PALS1: variants seen among roughly 807,000 people sequenced by gnomAD.
PALS1 encodes protein PALS1.
Under a neutral mutation model 78.9 loss-of-function variants are expected in PALS1, and 31 were observed. The ratio of observed to expected loss-of-function variants is 0.39; its 90% CI spans 0.30 to 0.53. The LOEUF (loss-of-function observed/expected upper bound fraction) is 0.53. Ranked by LOEUF, PALS1 falls within the 20% of genes least tolerant of loss-of-function variation. The pLI is 0.67. For missense variants in PALS1, 704 were observed against 826.5 expected (o/e 0.85, Z 1.82); for synonymous variants, 276 against 270.9 (o/e 1.02, Z -0.18).
chr14:67,265,142 C>G (rs1278914207), intron 1 of PALS1, among the ~76,000 whole-genome samples: 1 of 152,098 alleles, frequency 6.6e-6, no homozygotes, highest in Admixed American at 6.6e-5. Context: ...GCAGTTGTTT[C>G]TTTGGAATGT....
chr14:67,317,251 C>A (rs916986286), intron 10 of PALS1, among the ~76,000 whole-genome samples, 157 bp from the exon 11 acceptor site: 1 of 151,954 alleles, frequency 6.6e-6, no homozygotes, highest in Non-Finnish European at 1.5e-5. Flanking sequence ...TCACTTGAGG[C>A]CAGGAGTTCA....
chr14:67,268,480 C>T (rs544387942), intron 1 of PALS1, among the ~76,000 whole-genome samples: 7 of 152,028 alleles, frequency 4.6e-5, no homozygotes, highest in East Asian at 3.8e-4. Flanking sequence ...GGCAGAACAC[C>T]GACATGTTAC....
intron 4 of PALS1, among the ~76,000 whole-genome samples, chr14:67,295,340 A>C (rs2084832259): frequency 6.6e-6 from 1 of 151,836 alleles, no homozygotes. Flanking sequence ...AAATACAAAA[A>C]TTAGCTGGCT....
intron 1 of PALS1, among the ~76,000 whole-genome samples, chr14:67,262,749 T>A (rs1000264101): frequency 1.8e-4 from 28 of 152,198 alleles, no homozygotes; most frequent in African/African-American, 5.8e-4. Flanking sequence ...AGTGTAGCAT[T>A]CAGAGTCAAC....
Position 67,332,783 on chromosome 14 carries a change from G to C in PALS1, c.1855G>C (p.Glu619Gln), listed in dbSNP as rs1566589162. Reference sequence around the variant, plus strand: ...AGTTTTTATCTTCTGTTTGCAGCCTGAAGAGTTGAGAGAAATCATTGAGAA... The same window carrying C: ...AGTTTTTATCTTCTGTTTGCAGCCTCAAGAGTTGAGAGAAATCATTGAGAA... ...LAKEGKNPKPEELREIIEKTR... is the reference protein window; with the variant it reads ...LAKEGKNPKPQELREIIEKTR... The change falls in exon 15 of 15, where the codon GAA becomes CAA. Residue 619 changes from glutamate to glutamine, a missense_variant. Glu to Gln is a conservative substitution (Grantham distance 29). Coordinates refer to ENST00000261681, the MANE Select transcript of PALS1 (RefSeq NM_022474.4). 3 of 1,608,286 alleles carry C rather than the reference G, an allele frequency of 1.9e-6. No homozygotes were observed. Among genetic ancestry groups the C allele is most frequent in the South Asian group, 1.1e-5 (1 of 90,706 alleles).
At chr14:67,331,349 G>A (rs1005529919) in intron 14 of PALS1, among the ~76,000 whole-genome samples, 3 of 152,116 alleles carry the variant, frequency 2.0e-5, no homozygotes, top group East Asian at 1.9e-4. Flanking sequence ...GCTGGTATTG[G>A]TATTTCTAAT....
chr14:67,329,730 A>G (rs538126442), intron 14 of PALS1, among the ~76,000 whole-genome samples: 1 of 152,036 alleles, frequency 6.6e-6, no homozygotes, highest in African/African-American at 2.4e-5. Flanking sequence ...AATACAAAAA[A>G]CATTAGCCAG....
At chr14:67,261,119 T>C (rs2140505460) in intron 1 of PALS1, among the ~76,000 whole-genome samples, 1 of 152,306 alleles carries the variant, frequency 6.6e-6, no homozygotes, top group African/African-American at 2.4e-5. Flanking sequence ...GTGCTTAGCA[T>C]AGTGAATGAA....
At chr14:67,272,028 G>C (rs2084415172) in intron 2 of PALS1, 1 of 149,792 alleles carries the variant, frequency 6.7e-6, no homozygotes, top group Admixed American at 6.7e-5. Context: ...CCGGGATCGT[G>C]CCATTGCACT....
At chr14:67,259,900 AT>A (rs2084208806) in intron 1 of PALS1, among the ~76,000 whole-genome samples, 1 of 151,316 alleles carries the variant, frequency 6.6e-6, no homozygotes, top group African/African-American at 2.4e-5. Flanking sequence ...AAAAAAAAGA[AT>A]ATATGTATTT....
At chr14:67,299,616 G>C (rs2140879102) in intron 4 of PALS1, among the ~76,000 whole-genome samples, 1 of 152,300 alleles carries the variant, frequency 6.6e-6, no homozygotes, top group South Asian at 2.1e-4. Context: ...AGGAGCAGTA[G>C]AATAAAAGAA....
rs189230259 is a variant in PALS1, at chr14:67,333,134, G to A, written c.*178G>A. Reference sequence around the variant, plus strand: ...CAGTTCCCTTAGGCAGTTTGTGCATGGCATCCTTTATTCTCTATACATGGC... The same window carrying A: ...CAGTTCCCTTAGGCAGTTTGTGCATAGCATCCTTTATTCTCTATACATGGC... On this transcript the variant is annotated 3_prime_UTR_variant, in exon 15 of 15. Coordinates refer to ENST00000261681, the MANE Select transcript of PALS1 (RefSeq NM_022474.4). 3.0e-5 allele frequency: 16 copies of A among 541,094 alleles called. No individual in the cohort carries two copies. The highest frequency in any genetic ancestry group is 7.7e-5 in the African/African-American group (4 of 52,106). The allele number at this position is 541,094 out of a possible 1,614,324, so 33.5% of individuals were successfully genotyped here.
chr14:67,303,683 C>G lies in PALS1; in HGVS notation c.1041+84C>G. On this transcript the variant is annotated intron_variant, in intron 8 of 14. Transcript: ENST00000261681. ...ACTGTTTACTGTTACAGAAATGTCA[C>G]TGTTTCCTGTACTCAAATAAATTCA... 4.4e-6 allele frequency: 4 copies of G among 915,162 alleles called. No homozygotes were observed. The East Asian group carries it at 9.8e-5, about 22-fold the overall frequency. 56.7% of individuals were successfully genotyped at this position (915,162 alleles called of 1,614,324 possible).
intron 14 of PALS1, among the ~76,000 whole-genome samples, chr14:67,330,149 A>AC (rs1490479091): frequency 7.2e-6 from 1 of 139,678 alleles, no homozygotes; most frequent in African/African-American, 2.6e-5. Flanking sequence ...AATAATAATA[A>AC]TAATAATTAT....
rs1310688554 is a variant in PALS1, at chr14:67,279,133, T to C, written c.-38T>C. Reference sequence around the variant, plus strand: ...AAGAGAATTGGCTTATAGGAAAAATTGATTTATAAAAAGTGGTACAGGTTT... The same window carrying C: ...AAGAGAATTGGCTTATAGGAAAAATCGATTTATAAAAAGTGGTACAGGTTT... On this transcript the variant is annotated 5_prime_UTR_variant, in exon 3 of 15. Transcript: ENST00000261681. 26 of 1,497,758 alleles carry C rather than the reference T, an allele frequency of 1.7e-5. No individual in the cohort carries two copies. Among genetic ancestry groups the C allele is most frequent in the Non-Finnish European group, 2.3e-5 (26 of 1,126,612 alleles). The allele number at this position is 1,497,758 out of a possible 1,614,324, so 92.8% of individuals were successfully genotyped here. A position where few individuals can be genotyped will look rare whatever the true frequency, so the allele number is the denominator to read the frequency against.
At chr14:67,328,309 G>A (rs1254759080) in intron 14 of PALS1, among the ~76,000 whole-genome samples, 3 of 152,160 alleles carry the variant, frequency 2.0e-5, no homozygotes, top group African/African-American at 7.2e-5. Flanking sequence ...CATATCCTTT[G>A]CCCACTTTTT....
intron 3 of PALS1, among the ~76,000 whole-genome samples, chr14:67,285,011 A>G (rs2084664961): frequency 6.6e-6 from 1 of 152,032 alleles, no homozygotes; most frequent in Non-Finnish European, 1.5e-5. Flanking sequence ...GTGGCCTTCC[A>G]AAGTGTTAGG....
intron 3 of PALS1, among the ~76,000 whole-genome samples, chr14:67,287,214 A>G (rs2084703194): frequency 6.6e-6 from 1 of 152,070 alleles, no homozygotes. Context: ...GCGAAACCCT[A>G]TCTCAAAAAC....
At chr14:67,317,781 A>G (rs890431006) in intron 11 of PALS1, among the ~76,000 whole-genome samples, 13 of 152,240 alleles carry the variant, frequency 8.5e-5, no homozygotes, top group African/African-American at 2.7e-4. Context: ...AGTAAAAACT[A>G]TGTCCTCTAC....
Sources: gnomAD v4.1 joint callset for allele counts (sites outside exome capture counted in the v4.1 genomes callset) on GRCh38, gnomAD v4.1.1 for gene constraint, MANE v1.5 for transcripts, NCBI Gene and HGNC (gene_info 2026-07-23, HGNC 2026-07-21) for gene names.